MTDH: variants seen among roughly 807,000 people sequenced by gnomAD.
MTDH encodes metadherin, also known as protein LYRIC.
Under a neutral mutation model 72.7 loss-of-function variants are expected in MTDH, and 34 were observed. The observed-to-expected ratio is 0.47, with a 90% CI of 0.36 to 0.62. The LOEUF (loss-of-function observed/expected upper bound fraction) is 0.62, where lower values mean the gene tolerates loss of function less well. Among genes scored for constraint, MTDH ranks in the 20% least tolerant of loss-of-function variants. The pLI, the probability that MTDH is intolerant of heterozygous loss-of-function variation, is 0.00. For missense variants in MTDH, 677 were observed against 699.4 expected (o/e 0.97, Z 0.36); for synonymous variants, 266 against 268.9 (o/e 0.99, Z 0.10).
At chr8:97,681,659 G>A (rs558178587) in intron 2 of MTDH, among the ~76,000 whole-genome samples, 7 of 151,786 alleles carry the variant, frequency 4.6e-5, no homozygotes, top group Non-Finnish European at 1.0e-4. Context: ...ACGCTTGGCT[G>A]ATTTTTGTAT....
Position 97,697,148 on chromosome 8 carries a change from A to ATTTTTTTTTTTTTT in MTDH, c.1049-2605_1049-2604insTTTTTTTTTTTTTT, listed in dbSNP as rs1324445962. Among the ~76,000 whole-genome samples, 24 of 68,462 alleles carry ATTTTTTTTTTTTTT rather than the reference A, an allele frequency of 3.5e-4. 1 individual carries two copies. Among genetic ancestry groups the ATTTTTTTTTTTTTT allele is most frequent in the African/African-American group, 2.2e-3 (22 of 10,208 alleles). 44.9% of individuals were successfully genotyped at this position (68,462 alleles called of 152,430 possible). A position where few individuals can be genotyped will look rare whatever the true frequency, so the allele number is the denominator to read the frequency against. On this transcript the variant is annotated intron_variant, in intron 6 of 11. Coordinates refer to ENST00000336273, the MANE Select transcript of MTDH (RefSeq NM_178812.4). ...AAAAAAAATATATATATATATATATATATTTTTTTTTTGTGGACCCAGTTT... is the reference window on the plus strand; with the variant it reads ...AAAAAAAATATATATATATATATATATTTTTTTTTTTTTTTATTTTTTTTTTGTGGACCCAGTTT...
At chr8:97,659,657 CT>C (rs1211102158) in intron 1 of MTDH, among the ~76,000 whole-genome samples, 4 of 152,130 alleles carry the variant, frequency 2.6e-5, no homozygotes, top group Non-Finnish European at 4.4e-5. Context: ...GCTGTAATGA[CT>C]AGGTAGCTGA....
intron 3 of MTDH, 141 bp downstream of exon 3, chr8:97,686,893 T>G (rs1264644723): frequency 2.5e-6 from 1 of 404,998 alleles, no homozygotes; most frequent in Admixed American, 4.7e-5. Context: ...TATATAGAGC[T>G]GTGACACTGT....
chr8:97,669,189 C>T (rs1280771573), intron 2 of MTDH, among the ~76,000 whole-genome samples: 1 of 152,132 alleles, frequency 6.6e-6, no homozygotes, highest in Non-Finnish European at 1.5e-5. Flanking sequence ...CGCTCTGTTT[C>T]TCAAGCTGGA....
In MTDH at chr8:97,713,684, A is replaced by G; in HGVS notation, c.1295A>G (p.Lys432Arg). ...AAGGTCTCAGATGATGATAAAGAAA[A>G]GGGAGAGGGAGCTCTTCCAACTGGG... ...DQKVSDDDKEKGEGALPTGKS... is the reference protein window; with the variant it reads ...DQKVSDDDKERGEGALPTGKS... Residue 432 changes from lysine to arginine, a missense_variant, in exon 9 of 12, where the codon AAG becomes AGG. Lys to Arg is a conservative substitution (Grantham distance 26). Transcript: ENST00000336273. 2 of 1,598,766 alleles carry G rather than the reference A, an allele frequency of 1.3e-6. No individual in the cohort carries two copies. The highest frequency in any genetic ancestry group is 1.8e-5 in the Admixed American group (1 of 56,280).
At chr8:97,709,351 A>T (rs1362517984) in intron 8 of MTDH, among the ~76,000 whole-genome samples, 1 of 152,218 alleles carries the variant, frequency 6.6e-6, no homozygotes, top group Non-Finnish European at 1.5e-5. Flanking sequence ...ACAATATCGT[A>T]ATATATAATA....
In MTDH at chr8:97,725,002, A is replaced by G. The variant is rs149189722; in HGVS notation, c.*332A>G. 5.5e-3 allele frequency: 924 copies of G among 168,910 alleles called. 6 individuals carry two copies. The highest frequency in any genetic ancestry group is 0.02 in the African/African-American group (838 of 42,032). The allele number at this position is 168,910 out of a possible 1,614,324, so 10.5% of individuals were successfully genotyped here. A position where few individuals can be genotyped will look rare whatever the true frequency, so the allele number is the denominator to read the frequency against. On this transcript the variant is annotated 3_prime_UTR_variant, in exon 12 of 12. Transcript: ENST00000336273. ...CTATCTCATCTGCAGCCGAGGAATA[A>G]AGGATTCTGATTAGAAAGAGGGTTG... is the stretch of plus-strand genomic sequence containing the variant.
chr8:97,671,061 G>A (rs1023319370), intron 2 of MTDH, among the ~76,000 whole-genome samples: 8 of 149,116 alleles, frequency 5.4e-5, no homozygotes, highest in Non-Finnish European at 1.2e-4. Flanking sequence ...CGCTTCCCGG[G>A]TTCACGCCAT....
At chr8:97,648,572 C>T (rs1811650957) in intron 1 of MTDH, among the ~76,000 whole-genome samples, 1 of 151,664 alleles carries the variant, frequency 6.6e-6, no homozygotes, top group South Asian at 2.1e-4. Flanking sequence ...TAGCTCACTG[C>T]ATCCTCAAAC....
At chr8:97,680,867 T>G (rs181879512) in intron 2 of MTDH, among the ~76,000 whole-genome samples, 3 of 152,322 alleles carry the variant, frequency 2.0e-5, no homozygotes, top group African/African-American at 4.8e-5. Flanking sequence ...TAAAGGGAAG[T>G]AGAGATTCTG....
At chr8:97,676,577 A>G (rs1178293385) in intron 2 of MTDH, among the ~76,000 whole-genome samples, 3 of 152,204 alleles carry the variant, frequency 2.0e-5, no homozygotes, top group Non-Finnish European at 4.4e-5. Flanking sequence ...GTCTAATATT[A>G]GAAATACTCA....
At chr8:97,652,149 G>A (rs1811798080) in intron 1 of MTDH, among the ~76,000 whole-genome samples, 1 of 152,126 alleles carries the variant, frequency 6.6e-6, no homozygotes, top group African/African-American at 2.4e-5. Context: ...TTTTTTCAAA[G>A]CAAATCACTA....
intron 1 of MTDH, among the ~76,000 whole-genome samples, chr8:97,655,709 TG>T (rs1370850748): frequency 6.6e-6 from 1 of 152,156 alleles, no homozygotes; most frequent in Non-Finnish European, 1.5e-5. Context: ...CCTAGCACTT[TG>T]GGAGGCCAAA....
rs752652983 is a variant in MTDH at position 97,713,624 on chromosome 8, C to T, written c.1273-38C>T. 6.0e-6 allele frequency: 7 copies of T among 1,175,436 alleles called. 1 individual carries two copies. The South Asian group carries it at 8.6e-5, about 14-fold the overall frequency. 72.8% of individuals were successfully genotyped at this position (1,175,436 alleles called of 1,614,324 possible). ...ATTTTCTAAATAATGGACACATAAC[C>T]ATTTGGTTCTCTTTAATATTTTTGC... On this transcript the variant is annotated intron_variant, in intron 8 of 11. Transcript: ENST00000336273.
At chr8:97,712,620 G>T (rs1211007051) in intron 8 of MTDH, among the ~76,000 whole-genome samples, 1 of 152,156 alleles carries the variant, frequency 6.6e-6, no homozygotes, top group Non-Finnish European at 1.5e-5. Flanking sequence ...TACAATCGCT[G>T]GGTGTTATGA....
At chr8:97,695,676 G>GTAT (rs768038463) in intron 6 of MTDH, among the ~76,000 whole-genome samples, 2 of 152,150 alleles carry the variant, frequency 1.3e-5, no homozygotes, top group Non-Finnish European at 2.9e-5. Context: ...AAGTAGCATG[G>GTAT]TATAGAGGAG....
At chr8:97,658,590 G>T (rs1035153097) in intron 1 of MTDH, among the ~76,000 whole-genome samples, 6 of 152,168 alleles carry the variant, frequency 3.9e-5, no homozygotes, top group Non-Finnish European at 8.8e-5. Flanking sequence ...TCATGTAAAT[G>T]AGTAAAATGA....
intron 6 of MTDH, among the ~76,000 whole-genome samples, chr8:97,696,556 G>T (rs1027279601): frequency 6.6e-6 from 1 of 152,086 alleles, no homozygotes; most frequent in Non-Finnish European, 1.5e-5. Context: ...CACATGCAAG[G>T]CCTTCCATTC....
chr8:97,719,016 T>A, intron 9 of MTDH, 33 bp from the exon 10 acceptor site: 1 of 1,540,320 alleles, frequency 6.5e-7, no homozygotes, highest in Non-Finnish European at 8.8e-7. Flanking sequence ...AATGAATGCT[T>A]TATATAATCT....
Sources: allele counts gnomAD v4.1 joint callset (sites outside exome capture counted in the v4.1 genomes callset), GRCh38; gene constraint gnomAD v4.1.1; transcripts MANE v1.5; gene names NCBI Gene and HGNC (gene_info 2026-07-23, HGNC 2026-07-21).